Variants in SERPINB7 observed in about 807,000 individuals in gnomAD.
SERPINB7 encodes the protein serpin family B member 7, also known as serpin B7.
A neutral mutation model predicts 37.4 loss-of-function variants in SERPINB7; 31 were observed. That is an observed-to-expected ratio of 0.83 (90% CI 0.62 to 1.12). The LOEUF (loss-of-function observed/expected upper bound fraction) is 1.12. SERPINB7 is among the 50% of genes most tolerant of loss of function. SERPINB7 has a pLI of 0.00. For synonymous variants in SERPINB7, 163 were observed against 166.1 expected (o/e 0.98, Z 0.14); for missense variants, 521 against 455.3 (o/e 1.14, Z -1.31).
intron 5 of SERPINB7, 32 bp from the exon 6 acceptor site, chr18:63,798,571 TA>T (rs749529142): frequency 4.4e-5 from 66 of 1,501,114 alleles, no homozygotes; most frequent in Admixed American, 1.1e-4. Context: ...TATATTAAAA[TA>T]AACATTTTTC....
chr18:63,786,378 G>A (rs1193473831), intron 2 of SERPINB7, among the ~76,000 whole-genome samples: 1 of 150,702 alleles, frequency 6.6e-6, no homozygotes, highest in Non-Finnish European at 1.5e-5. Context: ...AATACATTAT[G>A]AAATATATAC....
chr18:63,774,332 G>A (rs1389659075), upstream of SERPINB7, among the ~76,000 whole-genome samples: 1 of 151,970 alleles, frequency 6.6e-6, no homozygotes, highest in African/African-American at 2.4e-5. Context: ...TAAGATGATG[G>A]TACCTTCTAA....
chr18:63,804,671 A>G lies in SERPINB7; in HGVS notation c.*36A>G. 2 of 1,532,974 alleles carry G rather than the reference A, an allele frequency of 1.3e-6. No individual in the cohort carries two copies. Among genetic ancestry groups the G allele is most frequent in the Non-Finnish European group, 8.8e-7 (1 of 1,138,970 alleles). 95.0% of individuals were successfully genotyped at this position (1,532,974 alleles called of 1,614,324 possible). The stretch of plus-strand genomic sequence containing the variant: ...GGTTTCTGTTATAGCAGTCCCCACA[A>G]CATCAAAGAACCACCACAAGTCAAT... On this transcript the variant is annotated 3_prime_UTR_variant, in exon 8 of 8. Coordinates refer to ENST00000398019, the MANE Select transcript of SERPINB7 (RefSeq NM_003784.4).
In SERPINB7 at chr18:63,782,464, C is replaced by T. The variant is rs748771798; in HGVS notation, c.92C>T (p.Ser31Phe). 12 of 1,614,156 alleles carry T rather than the reference C, an allele frequency of 7.4e-6. No individual in the cohort carries two copies. The South Asian group carries it at 1.2e-4, about 16-fold the overall frequency. The part of the protein sequence containing the change: ...DNQGNGNVFF[S>F]SLSLFAALAL... The stretch of plus-strand genomic sequence containing the variant: ...CAAGGAAATGGAAATGTGTTCTTTT[C>T]CTCTCTGAGCCTCTTCGCTGCCCTG... The change falls in exon 2 of 8, where the codon TCC becomes TTC. Residue 31 changes from serine (S) to phenylalanine (F), a missense_variant. Transcript: ENST00000398019.
intron 1 of SERPINB7, among the ~76,000 whole-genome samples, chr18:63,764,138 TC>T (rs1470981242): frequency 1.3e-5 from 2 of 152,176 alleles, no homozygotes; most frequent in Non-Finnish European, 2.9e-5. Context: ...AGAGTTGAAT[TC>T]TTATAAGTGA....
intron 5 of SERPINB7, among the ~76,000 whole-genome samples, chr18:63,797,848 C>G (rs1014986877): frequency 2.6e-5 from 4 of 152,180 alleles, no homozygotes; most frequent in Non-Finnish European, 5.9e-5. Context: ...TCTTGCCAAC[C>G]TTATTCTCCC....
chr18:63,798,565 T>A (rs747000418), intron 5 of SERPINB7, 39 bp from the exon 6 acceptor site: 19 of 1,482,750 alleles, frequency 1.3e-5, no homozygotes, highest in Non-Finnish European at 1.7e-5. Context: ...TAAAATTATA[T>A]TAAAATAAAC....
At chr18:63,798,500 A>T in intron 5 of SERPINB7, 104 bp from the exon 6 acceptor site, 3 of 802,684 alleles carry the variant, frequency 3.7e-6, no homozygotes, top group Non-Finnish European at 5.7e-6. Flanking sequence ...TATTGGTGTT[A>T]TTATGTGTTA....
chr18:63,771,354 A>G (rs529033766), upstream of SERPINB7, among the ~76,000 whole-genome samples: 49 of 152,208 alleles, frequency 3.2e-4, no homozygotes, highest in South Asian at 9.8e-3. Flanking sequence ...GGTTTCCTGC[A>G]TAGACTGGAT....
At chr18:63,794,135 T>C (rs866261470) in intron 4 of SERPINB7, among the ~76,000 whole-genome samples, 3 of 128,894 alleles carry the variant, frequency 2.3e-5, no homozygotes, top group Middle Eastern at 3.9e-3. Flanking sequence ...TTTTTTTTTG[T>C]ATTTTTAGTA....
At chr18:63,758,318 T>C (rs572589628) in intron 1 of SERPINB7, among the ~76,000 whole-genome samples, 2 of 152,358 alleles carry the variant, frequency 1.3e-5, no homozygotes, top group Admixed American at 6.5e-5. Flanking sequence ...ATGGAACAGA[T>C]ATCTTTTTCC....
In SERPINB7 at chr18:63,775,463, CA is replaced by C. The variant is rs1255638658; in HGVS notation, c.-271del. On this transcript the variant is annotated 5_prime_UTR_variant, in exon 1 of 8. Transcript: ENST00000398019. ...GCAGAGTGCAGGCTGCACCTTTGGA[CA>C]GCCTTTAAAACTGAATTCTCAGAAT... 1.3e-5 allele frequency: 2 copies of C among 152,190 alleles called. No individual in the cohort carries two copies. The highest frequency in any genetic ancestry group is 2.9e-5 in the Non-Finnish European group (2 of 68,036). 9.4% of individuals were successfully genotyped at this position (152,190 alleles called of 1,614,324 possible).
intron 1 of SERPINB7, among the ~76,000 whole-genome samples, chr18:63,769,059 A>G (rs1598993015): frequency 6.6e-6 from 1 of 152,296 alleles, no homozygotes; most frequent in East Asian, 1.9e-4. Flanking sequence ...GTACTGTAAC[A>G]CTTATGTACA....
intron 1 of SERPINB7, 33 bp from the exon 2 acceptor site, chr18:63,782,322 G>T: frequency 8.0e-7 from 1 of 1,254,284 alleles, no homozygotes; most frequent in Non-Finnish European, 1.1e-6. Flanking sequence ...AAAATGTACC[G>T]GGAACTAATT....
chr18:63,766,076 A>G (rs1260780534), intron 1 of SERPINB7, among the ~76,000 whole-genome samples: 1 of 152,106 alleles, frequency 6.6e-6, no homozygotes, highest in East Asian at 1.9e-4. Context: ...AGTGAAGAGC[A>G]TAGGATAAAA....
chr18:63,777,985 C>T (rs1207925533), intron 1 of SERPINB7: 1 of 152,058 alleles, frequency 6.6e-6, no homozygotes, highest in Non-Finnish European at 1.5e-5. Flanking sequence ...ACATTAAACT[C>T]ATCACACAAC....
chr18:63,800,715 A>G, intron 6 of SERPINB7, 151 bp from the exon 7 acceptor site: 1 of 729,018 alleles, frequency 1.4e-6, no homozygotes. Context: ...ATTTGCACCA[A>G]TGCAACCACT....
At chr18:63,780,364 T>G (rs1261620313) in intron 1 of SERPINB7, among the ~76,000 whole-genome samples, 1 of 152,206 alleles carries the variant, frequency 6.6e-6, no homozygotes, top group African/African-American at 2.4e-5. Flanking sequence ...TTGTTAATTT[T>G]GATCTTATTT....
intron 1 of SERPINB7, among the ~76,000 whole-genome samples, chr18:63,778,966 T>C (rs1450857866): frequency 6.6e-6 from 1 of 152,210 alleles, no homozygotes; most frequent in Non-Finnish European, 1.5e-5. Flanking sequence ...GAATATAGTA[T>C]ATTTTTAGCA....
Sources: gnomAD v4.1 joint callset for allele counts (sites outside exome capture counted in the v4.1 genomes callset) on GRCh38, gnomAD v4.1.1 for gene constraint, MANE v1.5 for transcripts, NCBI Gene and HGNC (gene_info 2026-07-23, HGNC 2026-07-21) for gene names.